TYW1: variants seen among roughly 807,000 people sequenced by gnomAD.
TYW1 encodes the protein S-adenosyl-L-methionine-dependent tRNA 4-demethylwyosine synthase TYW1.
Under a neutral mutation model 96.2 loss-of-function variants are expected in TYW1, and 46 were observed. The observed-to-expected ratio is 0.48, with a 90% CI of 0.38 to 0.61. The LOEUF is 0.61. TYW1 is among the 20% of genes least tolerant of loss of function. The probability of loss-of-function intolerance (pLI) is 0.00; values close to 1 mark genes in which losing one functional copy is unlikely to be tolerated. For missense variants in TYW1, 684 were observed against 909.6 expected, an observed-to-expected ratio of 0.75 and a Z score of 3.19; for synonymous variants, 274 against 323.0, an observed-to-expected ratio of 0.85 and a Z score of 1.63.
intron 15 of TYW1, among the ~76,000 whole-genome samples, chr7:67,226,370 A>C (rs1345293824): frequency 2.0e-5 from 3 of 152,158 alleles, no homozygotes; most frequent in Non-Finnish European, 4.4e-5. Context: ...GACCCTCCCT[A>C]AACTGCCCCT....
chr7:67,031,225 G>T (rs563791272), intron 7 of TYW1, among the ~76,000 whole-genome samples: 3 of 145,306 alleles, frequency 2.1e-5, no homozygotes, highest in African/African-American at 5.1e-5. Context: ...GTCTGTGTGC[G>T]GCTCAAACAG....
At chr7:67,068,957 A>G (rs1274779942) in intron 10 of TYW1, among the ~76,000 whole-genome samples, 3 of 152,216 alleles carry the variant, frequency 2.0e-5, no homozygotes, top group Non-Finnish European at 1.5e-5. Flanking sequence ...ATCTAATTCT[A>G]TTGATTATGT....
At chr7:67,145,194 T>G (rs1798571928) in intron 13 of TYW1, among the ~76,000 whole-genome samples, 1 of 137,732 alleles carries the variant, frequency 7.3e-6, no homozygotes, top group Non-Finnish European at 1.5e-5. Flanking sequence ...TCTCTCCCAG[T>G]CTGGAGTGCA....
At chr7:67,227,864 G>A (rs1461861126) in intron 15 of TYW1, among the ~76,000 whole-genome samples, 3 of 152,178 alleles carry the variant, frequency 2.0e-5, no homozygotes, top group Non-Finnish European at 2.9e-5. Context: ...TCGGTCCCAC[G>A]TGCCTGTTCC....
chr7:67,200,805 G>C (rs1800573524), intron 15 of TYW1, among the ~76,000 whole-genome samples: 1 of 152,146 alleles, frequency 6.6e-6, no homozygotes, highest in African/African-American at 2.4e-5. Context: ...CACAGAGGAG[G>C]CACCATTTAA....
intron 12 of TYW1, among the ~76,000 whole-genome samples, chr7:67,099,452 T>C (rs1797020374): frequency 6.6e-6 from 1 of 152,112 alleles, no homozygotes. Flanking sequence ...ATTATATAAG[T>C]GTAGTTTATT....
intron 8 of TYW1, among the ~76,000 whole-genome samples, chr7:67,050,705 A>G (rs1795326535): frequency 6.6e-6 from 1 of 152,168 alleles, no homozygotes; most frequent in Non-Finnish European, 1.5e-5. Flanking sequence ...GGTAGATTAT[A>G]TTAATGTGAT....
chr7:67,195,944 A>G (rs1319598364), intron 15 of TYW1, among the ~76,000 whole-genome samples: 2 of 151,802 alleles, frequency 1.3e-5, no homozygotes, highest in African/African-American at 4.9e-5. Flanking sequence ...GAAGTTCTGG[A>G]AAATTTCTTA....
At chr7:67,049,806 T>TA (rs1447171750) in intron 7 of TYW1, 143 bp from the exon 8 acceptor site, 1 of 984,570 alleles carries the variant, frequency 1.0e-6, no homozygotes, top group East Asian at 2.7e-5. Flanking sequence ...CCTGGCCTCC[T>TA]AAAATGCTGG....
In TYW1 at chr7:67,067,421, G is replaced by A; in HGVS notation, c.1274+18G>A. 2 of 1,613,710 alleles carry A rather than the reference G, an allele frequency of 1.2e-6. No homozygotes were observed. Among genetic ancestry groups the A allele is most frequent in the Non-Finnish European group, 1.7e-6 (2 of 1,179,672 alleles). On this transcript the variant is annotated intron_variant, in intron 10 of 15. Transcript: ENST00000359626. ...TGTTGGCGGTAAGTAAAAATGAAAG[G>A]TCATGGTGATCGAATATGTAATGAG...
rs142162280 is a variant in TYW1 at position 67,024,087 on chromosome 7, C to T, written c.862-813C>T. Among the ~76,000 whole-genome samples the T allele has an allele frequency of 3.4e-3, 514 of 152,214 alleles. 4 individuals carry two copies. The highest frequency in any genetic ancestry group is 0.011 in the African/African-American group (472 of 41,542). ...TCGTTCCCCTGAGCCCAGCTCATGT[C>T]ACTGTGACGTGAGAGGGCAGGTGAA... On this transcript the variant is annotated intron_variant, in intron 6 of 15. Transcript: ENST00000359626.
intron 6 of TYW1, among the ~76,000 whole-genome samples, chr7:67,019,918 T>A (rs1348858459): frequency 6.6e-6 from 1 of 152,280 alleles, no homozygotes; most frequent in African/African-American, 2.4e-5. Context: ...AGTCAGTCAG[T>A]CTGAGTCAAG....
At chr7:67,014,822 G>A (rs1304075901) in intron 5 of TYW1, among the ~76,000 whole-genome samples, 2 of 152,090 alleles carry the variant, frequency 1.3e-5, no homozygotes, top group Admixed American at 6.5e-5. Context: ...TCTAGCTCCC[G>A]GGTTCAAGTG....
intron 3 of TYW1, among the ~76,000 whole-genome samples, chr7:67,005,354 G>C (rs541928766): frequency 3.3e-4 from 51 of 152,282 alleles, no homozygotes; most frequent in African/African-American, 1.1e-3. Context: ...CCAGCACTTT[G>C]GGAGGCCAAG....
intron 7 of TYW1, among the ~76,000 whole-genome samples, chr7:67,026,314 C>T (rs1358086468): frequency 6.6e-6 from 1 of 152,184 alleles, no homozygotes; most frequent in African/African-American, 2.4e-5. Flanking sequence ...CTCAGGTGAT[C>T]TGCCCGCCTT....
intron 7 of TYW1, among the ~76,000 whole-genome samples, chr7:67,029,503 G>T (rs1320911049): frequency 6.7e-6 from 1 of 149,122 alleles, no homozygotes; most frequent in Admixed American, 6.8e-5. Context: ...GCACCAAATG[G>T]GTATCCTGTA....
At chr7:67,037,620 G>T (rs536627930) in intron 7 of TYW1, among the ~76,000 whole-genome samples, 2 of 151,730 alleles carry the variant, frequency 1.3e-5, no homozygotes, top group Admixed American at 1.3e-4. Flanking sequence ...TGTACACTGT[G>T]TTTCATCTAT....
At chr7:67,207,133 T>C (rs1407265348) in intron 15 of TYW1, among the ~76,000 whole-genome samples, 1 of 152,240 alleles carries the variant, frequency 6.6e-6, no homozygotes, top group Non-Finnish European at 1.5e-5. Context: ...AGACTACTTC[T>C]GTCAGATCTG....
At chr7:67,049,868 A>G in intron 7 of TYW1, 81 bp from the exon 8 acceptor site, 10 of 1,551,676 alleles carry the variant, frequency 6.4e-6, no homozygotes, top group Non-Finnish European at 8.8e-6. Context: ...CTTTTTATTG[A>G]TGCTAGGTGT....
Sources: gnomAD v4.1 joint callset for allele counts (sites outside exome capture counted in the v4.1 genomes callset) on GRCh38, gnomAD v4.1.1 for gene constraint, MANE v1.5 for transcripts, NCBI Gene and HGNC (gene_info 2026-07-23, HGNC 2026-07-21) for gene names.